ZBTB1: variants seen among roughly 807,000 people sequenced by gnomAD.
ZBTB1 encodes zinc finger and BTB domain-containing protein 1.
ZBTB1 carries 13 observed loss-of-function variants against 51.6 expected under a neutral mutation model. The observed-to-expected ratio is 0.25, with a 90% CI of 0.16 to 0.40. The LOEUF (loss-of-function observed/expected upper bound fraction) is 0.40. Ranked by LOEUF, ZBTB1 falls within the 10% of genes least tolerant of loss-of-function variation. The probability of loss-of-function intolerance (pLI) is 1.00; values close to 1 mark genes in which losing one functional copy is unlikely to be tolerated. For synonymous variants in ZBTB1, 240 were observed against 282.2 expected (o/e 0.85, Z 1.50); for missense variants, 567 against 856.5 (o/e 0.66, Z 4.22).
rs750132926 is a variant in ZBTB1 at position 64,522,653 on chromosome 14, T to C, written c.1149T>C (p.Ser383=). The C allele has an allele frequency of 3.1e-6, 5 of 1,613,784 alleles. No homozygotes were observed. The South Asian group carries it at 4.4e-5, about 14-fold the overall frequency. Residue 383 remains serine (S), a synonymous_variant, in exon 2 of 2, where the codon AGT becomes AGC. Transcript: ENST00000683701. ...AAGAAGATGTCAGCATAAAAAAAAG[T>C]GGTAGGAAAACTCTAAAACCTCGAA... ...YVEEDVSIKK[S]GRKTLKPRMS...
chr14:64,504,674 C>T (rs2079608514), upstream of ZBTB1: 2 of 355,878 alleles, frequency 5.6e-6, no homozygotes, highest in African/African-American at 2.1e-5. Context: ...TGGCGGACGC[C>T]GCAGCGAACT....
At position 64,522,917 on chromosome 14, in the gene ZBTB1, C is replaced by G; in HGVS notation, c.1413C>G (p.Gly471=). ...RQLQEHAQRC[G]EPQDLTMNGL... ...TTCAGGAACATGCTCAACGATGTGG[C>G]GAGCCCCAAGATCTGACCATGAATG... Residue 471 remains glycine (G), a synonymous_variant, in exon 2 of 2, where the codon GGC becomes GGG. Transcript: ENST00000683701. 1.9e-6 allele frequency: 3 copies of G among 1,614,074 alleles called. No individual in the cohort carries two copies. Among genetic ancestry groups the G allele is most frequent in the Non-Finnish European group, 2.5e-6 (3 of 1,180,018 alleles).
downstream of ZBTB1, chr14:64,524,995 A>T: frequency 2.2e-6 from 2 of 926,122 alleles, no homozygotes; most frequent in Non-Finnish European, 2.6e-6. Flanking sequence ...CCCTTTTCAT[A>T]ATGAAAGGGA....
At chr14:64,528,314 A>T (rs1302541482), downstream of ZBTB1, among the ~76,000 whole-genome samples, 1 of 150,334 alleles carries the variant, frequency 6.7e-6, no homozygotes, top group Non-Finnish European at 1.5e-5. Context: ...GGTTTTTATC[A>T]TGAATTAAAA....
intron 1 of ZBTB1, among the ~76,000 whole-genome samples, chr14:64,512,390 G>A (rs1451851055): frequency 6.6e-6 from 1 of 152,142 alleles, no homozygotes; most frequent in Admixed American, 6.6e-5. Context: ...ATTAAGCCTT[G>A]TCCCTGTCTT....
At chr14:64,528,344 CTTTTTTTTTTTT>C (rs71123857), downstream of ZBTB1, among the ~76,000 whole-genome samples, 1 of 115,538 alleles carries the variant, frequency 8.7e-6, no homozygotes, top group African/African-American at 3.5e-5. Context: ...TTTTTCTTTT[CTTTTTTTTTTTT>C]TTTTTTTTGC....
At chr14:64,528,243 T>A (rs998766447), downstream of ZBTB1, among the ~76,000 whole-genome samples, 1 of 151,954 alleles carries the variant, frequency 6.6e-6, no homozygotes, top group Non-Finnish European at 1.5e-5. Context: ...AAGAAAAAAA[T>A]CTGAGTGTAT....
At chr14:64,505,239 T>G (rs1274996407) in intron 1 of ZBTB1, 1 of 234,398 alleles carries the variant, frequency 4.3e-6, no homozygotes, top group African/African-American at 2.3e-5. Context: ...CTTTATTTTT[T>G]TCGAGGGGGG....
At position 64,505,017 on chromosome 14, in the gene ZBTB1, C is replaced by T. The variant is rs1483665425; in HGVS notation, c.-19+71C>T. 5 of 387,764 alleles carry T rather than the reference C, an allele frequency of 1.3e-5. No homozygotes were observed. In the Middle Eastern group the frequency reaches 1.9e-3, roughly 150 times the overall value. The allele number at this position is 387,764 out of a possible 1,614,324, so 24.0% of individuals were successfully genotyped here. A position where few individuals can be genotyped will look rare whatever the true frequency, so the allele number is the denominator to read the frequency against. ...GGCCGGAGGGCGACGGGCCGCGGGC[C>T]TGGCGGAGTGCGGGGCCGGAGGGGC... On this transcript the variant is annotated intron_variant, in intron 1 of 1. Transcript: ENST00000683701.
intron 1 of ZBTB1, among the ~76,000 whole-genome samples, chr14:64,512,198 A>G (rs755984095): frequency 2.6e-5 from 4 of 152,220 alleles, no homozygotes; most frequent in Non-Finnish European, 2.9e-5. Flanking sequence ...GATTATCCCA[A>G]TTTTATAGAT....
Position 64,518,904 on chromosome 14 carries a change from G to GTATATATATATATATATA in ZBTB1, c.-18-2568_-18-2551dup, listed in dbSNP as rs71123855. Among the ~76,000 whole-genome samples the GTATATATATATATATATA allele has an allele frequency of 2.5e-3, 238 of 95,070 alleles. 9 individuals carry two copies. The highest frequency in any genetic ancestry group is 4.2e-3 in the African/African-American group (94 of 22,504). 62.4% of individuals were successfully genotyped at this position (95,070 alleles called of 152,430 possible). A position where few individuals can be genotyped will look rare whatever the true frequency, so the allele number is the denominator to read the frequency against. On this transcript the variant is annotated intron_variant, in intron 1 of 1. Coordinates refer to ENST00000683701, the MANE Select transcript of ZBTB1 (RefSeq NM_001123329.2). ...AATGAAGAAAACTAGTTGCAGAGAG[G>GTATATATATATATATATA]TATATATATATATATATATATATAT...
At chr14:64,532,311 A>T (rs2079948144) in exon 3 of ZBTB1, 1 of 153,164 alleles carries the variant, frequency 6.5e-6, no homozygotes, top group Non-Finnish European at 1.5e-5. Context: ...AAATAATTCT[A>T]AACTTAAAAT....
At position 64,524,139 on chromosome 14, in the gene ZBTB1, A is replaced by G. The variant is rs2079885423; in HGVS notation, c.*493A>G. The G allele has an allele frequency of 9.1e-6, 9 of 985,022 alleles. No individual in the cohort carries two copies. In the South Asian group the frequency reaches 2.8e-4, roughly 31 times the overall value. The allele number at this position is 985,022 out of a possible 1,614,324, so 61.0% of individuals were successfully genotyped here. On this transcript the variant is annotated 3_prime_UTR_variant, in exon 2 of 2. Coordinates refer to ENST00000683701, the MANE Select transcript of ZBTB1 (RefSeq NM_001123329.2). ...TTATTCCCCCTTATTAATGAAATTC[A>G]TATTCTTAAATTGACAAGCTTATTA... is the stretch of plus-strand genomic sequence containing the variant.
At chr14:64,526,876 TA>T (rs202096669), downstream of ZBTB1, among the ~76,000 whole-genome samples, 12 of 149,196 alleles carry the variant, frequency 8.0e-5, no homozygotes, top group Non-Finnish European at 1.6e-4. Flanking sequence ...ACCCTATCTC[TA>T]AAAAAAAAAT....
intron 1 of ZBTB1, among the ~76,000 whole-genome samples, chr14:64,511,921 G>A (rs1317698758): frequency 6.6e-6 from 1 of 152,186 alleles, no homozygotes; most frequent in Non-Finnish European, 1.5e-5. Context: ...AGAGTAGTAT[G>A]AAGAGCCCTA....
At chr14:64,504,175 T>TG (rs2079594671), upstream of ZBTB1, 1 of 126,494 alleles carries the variant, frequency 7.9e-6, no homozygotes, top group African/African-American at 3.1e-5. Context: ...CGCGGGAGCC[T>TG]GGGTGGAGAG....
rs1566635848 is a variant in ZBTB1, at chr14:64,522,691, C to G, written c.1187C>G (p.Ala396Gly). The G allele has an allele frequency of 6.2e-7, 1 of 1,614,054 alleles. No individual in the cohort carries two copies. The highest frequency in any genetic ancestry group is 8.5e-7 in the Non-Finnish European group (1 of 1,179,998). ...CTAAAACCTCGAATGTCAGTAAGTG[C>G]TGATGAAAGAGGTGGTTTAGAGAAT... ...KTLKPRMSVS[A>G]DERGGLENMR... is the part of the protein sequence containing the mutation. The change falls in exon 2 of 2, where the codon GCT (alanine) becomes GGT (glycine). Residue 396 changes from alanine to glycine, a missense_variant. Transcript: ENST00000683701.
At chr14:64,518,865 A>G (rs1311208576) in intron 1 of ZBTB1, among the ~76,000 whole-genome samples, 1 of 144,192 alleles carries the variant, frequency 6.9e-6, no homozygotes, top group African/African-American at 2.6e-5. Flanking sequence ...GCCCACTAAT[A>G]TTGTCTAATG....
chr14:64,515,081 C>T (rs904841454), intron 1 of ZBTB1, among the ~76,000 whole-genome samples: 4 of 152,218 alleles, frequency 2.6e-5, no homozygotes, highest in Non-Finnish European at 5.9e-5. Flanking sequence ...TTTTAAAAAT[C>T]CAGTATAAAA....
Sources: allele counts gnomAD v4.1 joint callset (sites outside exome capture counted in the v4.1 genomes callset), GRCh38; gene constraint gnomAD v4.1.1; transcripts MANE v1.5; gene names NCBI Gene and HGNC (gene_info 2026-07-23, HGNC 2026-07-21).